RNF220: variants seen among roughly 807,000 people sequenced by gnomAD.
RNF220 encodes E3 ubiquitin-protein ligase RNF220.
In RNF220, 7 loss-of-function variants were observed where a neutral mutation model predicts 67.1. The observed-to-expected ratio is 0.10, with a 90% confidence interval of 0.06 to 0.20. The LOEUF is 0.20. Ranked by LOEUF, RNF220 falls within the 10% of genes least tolerant of loss-of-function variation. The pLI, the probability that RNF220 is intolerant of heterozygous loss-of-function variation, is 1.00. For synonymous variants in RNF220, 270 were observed against 283.2 expected (o/e 0.95, Z 0.47); for missense variants, 565 against 740.3 (o/e 0.76, Z 2.75).
In RNF220 at chr1:44,412,371, C is replaced by G; in HGVS notation, c.274C>G (p.Leu92Val). 3 of 1,614,152 alleles carry G rather than the reference C, an allele frequency of 1.9e-6. No individual in the cohort carries two copies. Among genetic ancestry groups the G allele is most frequent in the Non-Finnish European group, 1.7e-6 (2 of 1,179,996 alleles). The change falls in exon 2 of 15, where the codon CTA (leucine) becomes GTA (valine). Residue 92 changes from leucine to valine, a missense_variant. Leu to Val is a conservative substitution (Grantham distance 32). Transcript: ENST00000361799. The surrounding 1 kb of genome is among the most constrained non-coding windows in gnomAD (Gnocchi z 5.3). ...TFANRDFPPS[L>V]LHLHPQFAPP... ...TGCCAATCGTGATTTCCCCCCTTCT[C>G]TACTACACCTCCACCCTCAATTTGC...
At chr1:44,522,447 G>A (rs1304274407) in intron 2 of RNF220, among the ~76,000 whole-genome samples, 2 of 152,230 alleles carry the variant, frequency 1.3e-5, no homozygotes, top group African/African-American at 4.8e-5. Flanking sequence ...AGAACTCAGA[G>A]CATTTGAGTT....
At position 44,632,381 on chromosome 1, in the gene RNF220, G is replaced by A. The variant is rs373810509; in HGVS notation, c.945G>A (p.Leu315=). 6.2e-7 allele frequency: 1 copy of A among 1,613,520 alleles called. No homozygotes were observed. The highest frequency in any genetic ancestry group is 8.5e-7 in the Non-Finnish European group (1 of 1,179,800). The change falls in exon 6 of 15, where the codon CTG becomes CTA. Residue 315 remains leucine, a synonymous_variant. Transcript: ENST00000361799. ...LRVRANRQTR[L]NARIGKMKRR... is the part of the protein sequence containing the mutation. ...TACGAGCCAACCGGCAGACCCGACT[G>A]AATGGTGAGTCCTGCCCGGCCCCTC...
intron 2 of RNF220, among the ~76,000 whole-genome samples, chr1:44,493,686 G>A (rs1657063709): frequency 6.6e-6 from 1 of 151,950 alleles, no homozygotes; most frequent in Non-Finnish European, 1.5e-5. Flanking sequence ...TAAAACTACT[G>A]AATTTTAGCT....
chr1:44,548,078 C>T (rs272566), intron 2 of RNF220, among the ~76,000 whole-genome samples: 135,688 of 152,148 alleles, frequency 0.89, 61,232 homozygotes, highest in Non-Finnish European at 0.97. Flanking sequence ...GCATCCTCAC[C>T]GTCTTCTCTC....
At chr1:44,460,631 G>A (rs1653672583) in intron 2 of RNF220, among the ~76,000 whole-genome samples, 1 of 152,148 alleles carries the variant, frequency 6.6e-6, no homozygotes, top group Non-Finnish European at 1.5e-5. Flanking sequence ...GGGAGAGGAG[G>A]TCAGCTGCAC....
At position 44,405,458 on chromosome 1, in the gene RNF220, C is replaced by A; in HGVS notation, c.-190C>A. 1 of 585,036 alleles carries A rather than the reference C, an allele frequency of 1.7e-6. No individual in the cohort carries two copies. Among genetic ancestry groups the A allele is most frequent in the Non-Finnish European group, 3.0e-6 (1 of 329,370 alleles). 36.2% of individuals were successfully genotyped at this position (585,036 alleles called of 1,614,324 possible). On this transcript the variant is annotated 5_prime_UTR_variant, in exon 1 of 15. An upstream open reading frame in the 5' UTR gains an earlier in-frame stop. Transcript: ENST00000361799. ...CTCTGCGAACCCGGGACTTTTCATGCACCACACTCTCCGCCTGCTTCCCTC... is the reference window on the plus strand; with the variant it reads ...CTCTGCGAACCCGGGACTTTTCATGAACCACACTCTCCGCCTGCTTCCCTC...
At position 44,632,153 on chromosome 1, in the gene RNF220, C is replaced by T. The variant is rs935334531; in HGVS notation, c.907-190C>T. On this transcript the variant is annotated intron_variant, in intron 5 of 14. Coordinates refer to ENST00000361799, the MANE Select transcript of RNF220 (RefSeq NM_018150.4). ...GTCCCGTTAGAGCAGCGCCCGGCGG[C>T]TATGCCGAGAGCCCGGAGCGGCCGG... The T allele has an allele frequency of 9.7e-6, 15 of 1,546,466 alleles. No homozygotes were observed. The African/African-American group carries it at 1.6e-4, about 17-fold the overall frequency.
At chr1:44,515,222 C>G (rs1193850483) in intron 2 of RNF220, among the ~76,000 whole-genome samples, 1 of 152,114 alleles carries the variant, frequency 6.6e-6, no homozygotes, top group African/African-American at 2.4e-5. Context: ...CTAGGGGAAT[C>G]CAGAACACGG....
At chr1:44,571,230 C>T (rs1244897570) in intron 2 of RNF220, among the ~76,000 whole-genome samples, 4 of 152,202 alleles carry the variant, frequency 2.6e-5, no homozygotes, top group Non-Finnish European at 5.9e-5. Context: ...ACCACGGCCA[C>T]ATTATCCCCA....
intron 2 of RNF220, among the ~76,000 whole-genome samples, chr1:44,467,548 C>T (rs541646477): frequency 2.6e-4 from 39 of 152,258 alleles, no homozygotes; most frequent in African/African-American, 9.1e-4. Context: ...TCACATCTCT[C>T]GGCCTTCATA....
chr1:44,414,579 G>T (rs886117495), intron 2 of RNF220, among the ~76,000 whole-genome samples: 1 of 152,138 alleles, frequency 6.6e-6, no homozygotes, highest in Non-Finnish European at 1.5e-5. Flanking sequence ...TAACTCTTCT[G>T]TTTGCCTGGT....
At chr1:44,566,597 T>G (rs748719806) in intron 2 of RNF220, among the ~76,000 whole-genome samples, 3 of 152,110 alleles carry the variant, frequency 2.0e-5, no homozygotes, top group Non-Finnish European at 4.4e-5. Flanking sequence ...AGTCTGAGAC[T>G]GGGATGGGGT....
chr1:44,554,707 A>C (rs1662931187), intron 2 of RNF220, among the ~76,000 whole-genome samples: 1 of 152,144 alleles, frequency 6.6e-6, no homozygotes, highest in African/African-American at 2.4e-5. Context: ...AGTTCCTTGC[A>C]TGCAGCCAGG....
chr1:44,635,798 C>G (rs532736600), intron 7 of RNF220: 6 of 1,327,778 alleles, frequency 4.5e-6, no homozygotes, highest in Middle Eastern at 2.7e-4. Flanking sequence ...CTGACCACTG[C>G]TCTCTCCTTT....
Position 44,634,228 on chromosome 1 carries a change from G to T in RNF220, c.950-1317G>T, listed in dbSNP as rs142529224. ...CAGTTAGGAGGTCCCCTTGAAACAG[G>T]AGGGCATTCTAGGTTGTGAAGTCAG... On this transcript the variant is annotated intron_variant, in intron 6 of 14. Transcript: ENST00000361799. Among the ~76,000 whole-genome samples the T allele has an allele frequency of 1.3e-4, 20 of 152,342 alleles. No individual in the cohort carries two copies. In the East Asian group the frequency reaches 3.5e-3, roughly 26 times the overall value.
chr1:44,594,390 G>A (rs951981801), intron 2 of RNF220, among the ~76,000 whole-genome samples: 3 of 152,300 alleles, frequency 2.0e-5, no homozygotes, highest in Non-Finnish European at 4.4e-5. Flanking sequence ...CCACGTCCCA[G>A]GAAGTGGAGC....
At chr1:44,536,849 A>G (rs1661262900) in intron 2 of RNF220, among the ~76,000 whole-genome samples, 1 of 152,166 alleles carries the variant, frequency 6.6e-6, no homozygotes. Context: ...GTACTTTATT[A>G]TAATACTAAT....
At chr1:44,497,338 G>GACAC (rs10578430) in intron 2 of RNF220, among the ~76,000 whole-genome samples, 10,202 of 147,984 alleles carry the variant, frequency 0.069, 364 homozygotes, top group Non-Finnish European at 0.089. Flanking sequence ...CCCCTTCCCT[G>GACAC]ACACACACAC....
chr1:44,430,881 T>C (rs1650295323), intron 2 of RNF220, among the ~76,000 whole-genome samples: 1 of 152,172 alleles, frequency 6.6e-6, no homozygotes, highest in African/African-American at 2.4e-5. Flanking sequence ...TTCAGAAGAC[T>C]GTATTATGGG....
Sources: gnomAD v4.1 joint callset for allele counts (sites outside exome capture counted in the v4.1 genomes callset) on GRCh38, gnomAD v4.1.1 for gene constraint, Gnocchi (gnomAD v3.1) non-coding constraint, MANE v1.5 for transcripts, NCBI Gene and HGNC (gene_info 2026-07-23, HGNC 2026-07-21) for gene names.